The following GASK1A variants were observed in gnomAD, a reference collection of about 807,000 sequenced individuals.
The protein encoded by GASK1A is Golgi-associated kinase 1A.
Under a neutral mutation model 41.2 loss-of-function variants are expected in GASK1A, and 40 were observed. The observed-to-expected ratio is 0.97, with a 90% confidence interval of 0.75 to 1.27. GASK1A has a LOEUF of 1.27. Among genes scored for constraint, GASK1A ranks in the 50% most tolerant of loss-of-function variants. The pLI, the probability that GASK1A is intolerant of heterozygous loss-of-function variation, is 0.00. For missense variants in GASK1A, 678 were observed against 745.1 expected, an observed-to-expected ratio of 0.91 and a Z score of 1.05; for synonymous variants, 316 against 307.1, an observed-to-expected ratio of 1.03 and a Z score of -0.30.
chr3:43,042,212 T>A (rs895299568), intron 2 of GASK1A, among the ~76,000 whole-genome samples: 1 of 151,032 alleles, frequency 6.6e-6, no homozygotes, highest in African/African-American at 2.5e-5. Context: ...CTTACAACTG[T>A]AATCCCAGCA....
In GASK1A at chr3:43,033,569, C is replaced by T; in HGVS notation, c.1290+16C>T. 1.3e-6 allele frequency: 2 copies of T among 1,513,398 alleles called. No individual in the cohort carries two copies. Among genetic ancestry groups the T allele is most frequent in the Non-Finnish European group, 1.8e-6 (2 of 1,125,374 alleles). 93.7% of individuals were successfully genotyped at this position (1,513,398 alleles called of 1,614,324 possible). A position where few individuals can be genotyped will look rare whatever the true frequency, so the allele number is the denominator to read the frequency against. On this transcript the variant is annotated intron_variant, in intron 2 of 4. Coordinates refer to ENST00000430121, the MANE Select transcript of GASK1A (RefSeq NM_001129908.3). ...CCTGTTGCAGGTAGGTGGGGTTGGGCAGCAGGGGTAGAGAGCTGCGGAGGT... is the reference window on the plus strand; with the variant it reads ...CCTGTTGCAGGTAGGTGGGGTTGGGTAGCAGGGGTAGAGAGCTGCGGAGGT...
At chr3:43,009,937 C>T (rs977509984) in intron 1 of GASK1A, among the ~76,000 whole-genome samples, 4 of 152,344 alleles carry the variant, frequency 2.6e-5, no homozygotes, top group South Asian at 2.1e-4. Flanking sequence ...AAGCCTTCTT[C>T]GCACTGGTGT....
intron 1 of GASK1A, among the ~76,000 whole-genome samples, chr3:42,987,787 T>G (rs2089319856): frequency 6.6e-6 from 1 of 151,712 alleles, no homozygotes. Flanking sequence ...TCACCTGAGG[T>G]CAGGAGTTTG....
At chr3:43,012,446 C>A (rs934165397) in intron 1 of GASK1A, among the ~76,000 whole-genome samples, 28 of 150,662 alleles carry the variant, frequency 1.9e-4, no homozygotes, top group Non-Finnish European at 2.9e-4. Flanking sequence ...CAGGAAGGGG[C>A]AGTGTGAAGC....
At chr3:42,981,169 G>A (rs1236944497) in intron 1 of GASK1A, among the ~76,000 whole-genome samples, 1 of 152,222 alleles carries the variant, frequency 6.6e-6, no homozygotes, top group Non-Finnish European at 1.5e-5. Context: ...TTCTGGTATT[G>A]TGTTAGGAAG....
intron 1 of GASK1A, among the ~76,000 whole-genome samples, chr3:42,994,159 C>T (rs2089357127): frequency 6.6e-6 from 1 of 152,040 alleles, no homozygotes; most frequent in Non-Finnish European, 1.5e-5. Context: ...AAATTTTTTG[C>T]TAAAAATAAA....
chr3:42,990,731 C>A (rs1362929245), intron 1 of GASK1A, among the ~76,000 whole-genome samples: 1 of 152,114 alleles, frequency 6.6e-6, no homozygotes, highest in Non-Finnish European at 1.5e-5. Flanking sequence ...TGTTCTGAGT[C>A]CTGGCAGTGT....
chr3:42,995,361 C>T (rs1480760473), intron 1 of GASK1A, among the ~76,000 whole-genome samples: 1 of 152,216 alleles, frequency 6.6e-6, no homozygotes, highest in African/African-American at 2.4e-5. Context: ...GAGTGTCATA[C>T]TCTACGCCAA....
Position 43,051,489 on chromosome 3 carries a change from G to A in GASK1A, c.1291-2032G>A, listed in dbSNP as rs187024821. 9.2e-5 allele frequency among the ~76,000 whole-genome samples: 14 copies of A among 152,268 alleles called. No individual in the cohort carries two copies. In the East Asian group the frequency reaches 2.5e-3, roughly 27 times the overall value. ...GGTCAACCAGAGGTGAGAGCTTAGGGTATTTTCAGTTTTTTCCTGAACATG... is the reference window on the plus strand; with the variant it reads ...GGTCAACCAGAGGTGAGAGCTTAGGATATTTTCAGTTTTTTCCTGAACATG... On this transcript the variant is annotated intron_variant, in intron 2 of 4. Transcript: ENST00000430121.
In GASK1A at chr3:43,056,110, C is replaced by T. The variant is rs2089714392; in HGVS notation, c.1518-66C>T. On this transcript the variant is annotated intron_variant, in intron 4 of 4. Coordinates refer to ENST00000430121, the MANE Select transcript of GASK1A (RefSeq NM_001129908.3). ...TCTGGCCATCTGGCATCACCTGTTA[C>T]TGAAATTCTCTGAGATTACTGTTGC... 4 of 1,312,354 alleles carry T rather than the reference C, an allele frequency of 3.0e-6. No individual in the cohort carries two copies. The South Asian group carries it at 4.2e-5, about 14-fold the overall frequency. 81.3% of individuals were successfully genotyped at this position (1,312,354 alleles called of 1,614,324 possible).
chr3:43,046,624 T>C lies in GASK1A; in HGVS notation c.1291-6897T>C, dbSNP rs139309991. 7.3e-4 allele frequency among the ~76,000 whole-genome samples: 111 copies of C among 152,342 alleles called. 3 individuals are homozygous for C. The East Asian group carries it at 0.02, about 27-fold the overall frequency. On this transcript the variant is annotated intron_variant, in intron 2 of 4. Transcript: ENST00000430121. ...TTTCTGGAGGGAAATTCAAGCTGGC[T>C]GCAGAAATTTGCTTAAGTAATGAGG...
At chr3:43,012,888 G>A (rs942367120) in intron 1 of GASK1A, among the ~76,000 whole-genome samples, 1 of 149,352 alleles carries the variant, frequency 6.7e-6, no homozygotes, top group African/African-American at 2.5e-5. Flanking sequence ...AAGGGGCTAT[G>A]TGAAGTCAGA....
At chr3:43,013,456 T>G (rs933403718) in intron 1 of GASK1A, among the ~76,000 whole-genome samples, 3 of 149,804 alleles carry the variant, frequency 2.0e-5, no homozygotes, top group African/African-American at 7.5e-5. Flanking sequence ...GAAGGTGCAG[T>G]GGGAAGTAAC....
Position 43,032,504 on chromosome 3 carries a change from C to T in GASK1A, c.241C>T (p.Arg81Cys), listed in dbSNP as rs865808655. ...AAGAAACATGGGCTTCTGGAGAAGC[C>T]GTGCTTTGCCCAGGAACTCCATCTT... ...RARNMGFWRSRALPRNSILVC... is the reference protein window; with the variant it reads ...RARNMGFWRSCALPRNSILVC... The change falls in exon 2 of 5, where the codon CGT (arginine) becomes TGT (cysteine). Residue 81 changes from arginine to cysteine, a missense_variant. By Grantham distance (180) the Arg-to-Cys change is radical. Transcript: ENST00000430121. 33 of 1,549,764 alleles carry T rather than the reference C, an allele frequency of 2.1e-5. No homozygotes were observed. In the African/African-American group the frequency reaches 2.6e-4, roughly 12 times the overall value.
At chr3:43,035,688 A>T (rs947795284) in intron 2 of GASK1A, among the ~76,000 whole-genome samples, 1 of 152,188 alleles carries the variant, frequency 6.6e-6, no homozygotes, top group South Asian at 2.1e-4. Context: ...TAGTTTCTGG[A>T]TGCAAGGTCA....
chr3:43,022,966 A>G (rs1041786570), intron 1 of GASK1A, among the ~76,000 whole-genome samples: 3 of 152,232 alleles, frequency 2.0e-5, no homozygotes, highest in Non-Finnish European at 4.4e-5. Flanking sequence ...ATGTCAATCA[A>G]AGCAAGTTGT....
intron 2 of GASK1A, among the ~76,000 whole-genome samples, chr3:43,036,205 CA>C (rs1312400022): frequency 2.0e-5 from 3 of 152,238 alleles, no homozygotes; most frequent in East Asian, 3.8e-4. Flanking sequence ...TATGGGCAGA[CA>C]TGACTCGGCT....
chr3:43,032,251 C>T lies in GASK1A; in HGVS notation c.4-16C>T. 1.3e-6 allele frequency: 2 copies of T among 1,495,800 alleles called. No individual in the cohort carries two copies. Among genetic ancestry groups the T allele is most frequent in the East Asian group, 2.5e-5 (1 of 40,088 alleles). 92.7% of individuals were successfully genotyped at this position (1,495,800 alleles called of 1,614,324 possible). ...TTTCCCAGATCTCAAGCTTTTCTTT[C>T]TACCCTGTCTCTCAGGCGTCTTGGC... is the stretch of plus-strand genomic sequence containing the variant. On this transcript the variant is annotated splice_polypyrimidine_tract_variant and intron_variant, in intron 1 of 4. Coordinates refer to ENST00000430121, the MANE Select transcript of GASK1A (RefSeq NM_001129908.3).
chr3:43,047,050 C>T (rs578146403), intron 2 of GASK1A, among the ~76,000 whole-genome samples: 1 of 152,210 alleles, frequency 6.6e-6, no homozygotes, highest in Non-Finnish European at 1.5e-5. Flanking sequence ...TTTGCTAGGG[C>T]AATGTGGAAG....
Sources: gnomAD v4.1 joint callset for allele counts (sites outside exome capture counted in the v4.1 genomes callset) on GRCh38, gnomAD v4.1.1 for gene constraint, MANE v1.5 for transcripts, NCBI Gene and HGNC (gene_info 2026-07-23, HGNC 2026-07-21) for gene names.